Variants in XPO4 observed in about 807,000 individuals in gnomAD.
XPO4 encodes the protein exportin 4.
A neutral mutation model predicts 143.0 loss-of-function variants in XPO4; 39 were observed. The ratio of observed to expected loss-of-function variants is 0.27; its 90% CI spans 0.21 to 0.36. XPO4 has a LOEUF of 0.36. Ranked by LOEUF, XPO4 falls within the 10% of genes least tolerant of loss-of-function variation. The pLI, the probability that XPO4 is intolerant of heterozygous loss-of-function variation, is 1.00. For missense variants in XPO4, 907 were observed against 1,348.0 expected (o/e 0.67, Z 5.12); for synonymous variants, 439 against 474.0 (o/e 0.93, Z 0.96).
At chr13:20,809,370 T>C (rs561233949) in intron 10 of XPO4, 145 bp from the exon 11 acceptor site, 3 of 983,322 alleles carry the variant, frequency 3.1e-6, no homozygotes, top group African/African-American at 3.3e-5. Flanking sequence ...CACAGCTATC[T>C]AGGAACTCCC....
chr13:20,852,942 GC>G, intron 4 of XPO4: 1 of 985,404 alleles, frequency 1.0e-6, no homozygotes, highest in African/African-American at 1.7e-5. Flanking sequence ...CATGGAAAAT[GC>G]TTTTGCGGTC....
At chr13:20,852,806 T>A in intron 4 of XPO4, 3 of 985,062 alleles carry the variant, frequency 3.0e-6, no homozygotes, top group Non-Finnish European at 3.6e-6. Context: ...TTTTTTTATG[T>A]AGATATCCAT....
intron 18 of XPO4, among the ~76,000 whole-genome samples, chr13:20,794,902 T>C (rs1420435712): frequency 7.0e-6 from 1 of 142,736 alleles, no homozygotes; most frequent in Admixed American, 7.0e-5. Context: ...CTCACCTTGG[T>C]ACCCCTAGTT....
intron 1 of XPO4, among the ~76,000 whole-genome samples, chr13:20,873,809 A>C (rs2060326030): frequency 6.6e-6 from 1 of 152,062 alleles, no homozygotes; most frequent in Non-Finnish European, 1.5e-5. Flanking sequence ...TTTCTACAGG[A>C]CCTTTAGATT....
rs59710121 is a variant in XPO4, at chr13:20,870,089, C to CAAAAAAAAAAAAAAAAAA, written c.70-1406_70-1389dup. 2.8e-3 allele frequency among the ~76,000 whole-genome samples: 276 copies of CAAAAAAAAAAAAAAAAAA among 98,796 alleles called. 7 individuals are homozygous for CAAAAAAAAAAAAAAAAAA. The highest frequency in any genetic ancestry group is 0.012 in the African/African-American group (269 of 22,254). The allele number at this position is 98,796 out of a possible 152,430, so 64.8% of individuals were successfully genotyped here. On this transcript the variant is annotated intron_variant, in intron 1 of 22. Coordinates refer to ENST00000255305, the MANE Select transcript of XPO4 (RefSeq NM_022459.5). ...CACTCTAGCCTGGGTGAAGGAGTCT[C>CAAAAAAAAAAAAAAAAAA]AAAAAAAAAAAAAAAAAAGAATTGT...
intron 1 of XPO4, among the ~76,000 whole-genome samples, chr13:20,873,123 T>TG (rs1453315703): frequency 2.4e-3 from 339 of 142,550 alleles, no homozygotes; most frequent in African/African-American, 7.6e-3. Flanking sequence ...AAAACAAGGA[T>TG]GGGAAAAAAC....
At chr13:20,856,669 C>T (rs751588586) in intron 3 of XPO4, 13 of 194,434 alleles carry the variant, frequency 6.7e-5, no homozygotes, top group Non-Finnish European at 1.2e-4. Flanking sequence ...TTATTTCACT[C>T]TCAAAAGTGT....
chr13:20,812,405 GA>G (rs1225412084), intron 9 of XPO4, among the ~76,000 whole-genome samples: 2 of 151,810 alleles, frequency 1.3e-5, no homozygotes, highest in Admixed American at 6.6e-5. Flanking sequence ...TCCACATGGA[GA>G]AAAAAAATTT....
intron 4 of XPO4, among the ~76,000 whole-genome samples, chr13:20,854,126 A>T (rs1387536521): frequency 6.6e-6 from 1 of 152,228 alleles, no homozygotes; most frequent in Non-Finnish European, 1.5e-5. Context: ...AAAAAGAACA[A>T]ACACAAGACC....
At chr13:20,846,791 T>C (rs948143335) in intron 4 of XPO4, among the ~76,000 whole-genome samples, 3 of 152,164 alleles carry the variant, frequency 2.0e-5, no homozygotes, top group Non-Finnish European at 4.4e-5. Flanking sequence ...TTATATATCA[T>C]TGATATAAAC....
intron 3 of XPO4, chr13:20,858,006 T>G: frequency 1.0e-6 from 1 of 984,552 alleles, no homozygotes. Context: ...ACCTATGCAG[T>G]ATGCCAAAAA....
At position 20,870,089 on chromosome 13, in the gene XPO4, C is replaced by CAAAAAAAAAAAAAAAAAAAA. The variant is rs59710121; in HGVS notation, c.70-1389_70-1388insTTTTTTTTTTTTTTTTTTTT. On this transcript the variant is annotated intron_variant, in intron 1 of 22. Transcript: ENST00000255305. Reference sequence around the variant, plus strand: ...CACTCTAGCCTGGGTGAAGGAGTCTCAAAAAAAAAAAAAAAAAAGAATTGT... The same window carrying CAAAAAAAAAAAAAAAAAAAA: ...CACTCTAGCCTGGGTGAAGGAGTCTCAAAAAAAAAAAAAAAAAAAAAAAAAAAAAAAAAAAAAAGAATTGT... Among the ~76,000 whole-genome samples, 57 of 98,872 alleles carry CAAAAAAAAAAAAAAAAAAAA rather than the reference C, an allele frequency of 5.8e-4. 3 individuals are homozygous for CAAAAAAAAAAAAAAAAAAAA. Among genetic ancestry groups the CAAAAAAAAAAAAAAAAAAAA allele is most frequent in the African/African-American group, 2.4e-3 (54 of 22,328 alleles). The allele number at this position is 98,872 out of a possible 152,430, so 64.9% of individuals were successfully genotyped here.
At chr13:20,822,055 T>A in intron 8 of XPO4, 77 bp downstream of exon 8, 1 of 1,481,718 alleles carries the variant, frequency 6.7e-7, no homozygotes, top group South Asian at 1.4e-5. Flanking sequence ...AAAAAATAAC[T>A]AGTTTCTTTT....
chr13:20,898,704 A>C (rs2060591923), intron 1 of XPO4, among the ~76,000 whole-genome samples: 1 of 152,244 alleles, frequency 6.6e-6, no homozygotes, highest in Non-Finnish European at 1.5e-5. Flanking sequence ...CAGGGCAACA[A>C]AACCAAGCAA....
At chr13:20,783,983 A>C in intron 22 of XPO4, 64 bp from the exon 23 acceptor site, 1 of 1,521,952 alleles carries the variant, frequency 6.6e-7, no homozygotes, top group East Asian at 2.3e-5. Flanking sequence ...AGATCTTATC[A>C]GTTACTGGAC....
rs762996054 is a variant in XPO4, at chr13:20,783,798, C to T, written c.3380G>A (p.Arg1127Gln). Residue 1127 changes from arginine to glutamine, a missense_variant, in exon 23 of 23, where the codon CGG becomes CAG. Physicochemically the swap from Arg to Gln is conservative, Grantham distance 43. Coordinates refer to ENST00000255305, the MANE Select transcript of XPO4 (RefSeq NM_022459.5). ...CTTTAAGAAGGCCATCTTCTGCTTCCGATCCAGCGTAGGAGGAGTGCTGCT... is the reference window on the plus strand; with the variant it reads ...CTTTAAGAAGGCCATCTTCTGCTTCTGATCCAGCGTAGGAGGAGTGCTGCT... ...TASSTPPTLD[R>Q]KQKMAFLKSL... 10 of 1,614,090 alleles carry T rather than the reference C, an allele frequency of 6.2e-6. No individual in the cohort carries two copies. In the African/African-American group the frequency reaches 6.7e-5, roughly 11 times the overall value.
At position 20,777,584 on chromosome 13, in the gene XPO4, A is replaced by G. The variant is rs537569945; in HGVS notation, c.*6138T>C. 6.6e-6 allele frequency: 1 copy of G among 152,346 alleles called. No individual in the cohort carries two copies. The highest frequency in any genetic ancestry group is 2.4e-5 in the African/African-American group (1 of 41,580). The allele number at this position is 152,346 out of a possible 1,614,324, so 9.4% of individuals were successfully genotyped here. The stretch of plus-strand genomic sequence containing the variant: ...TAACATCCAGGGCAGTGCAGTTATA[A>G]ACAGGTGTACAAATAAGAAGTTCTA... On this transcript the variant is annotated 3_prime_UTR_variant, in exon 23 of 23. Coordinates refer to ENST00000255305, the MANE Select transcript of XPO4 (RefSeq NM_022459.5).
chr13:20,806,593 G>A (rs563462196), intron 13 of XPO4, among the ~76,000 whole-genome samples: 4 of 114,236 alleles, frequency 3.5e-5, no homozygotes, highest in African/African-American at 6.7e-5. Flanking sequence ...TTGCTCTGTC[G>A]CCAGGCTGGA....
At chr13:20,844,132 T>C (rs17059225) in intron 4 of XPO4, among the ~76,000 whole-genome samples, 5,845 of 152,282 alleles carry the variant, frequency 0.038, 384 homozygotes, top group African/African-American at 0.13. Context: ...CATCTAAGAC[T>C]TGAACTCAGG....
Sources: allele counts gnomAD v4.1 joint callset (sites outside exome capture counted in the v4.1 genomes callset), GRCh38; gene constraint gnomAD v4.1.1; transcripts MANE v1.5; gene names NCBI Gene and HGNC (gene_info 2026-07-23, HGNC 2026-07-21).